The following TENM2 variants were observed in gnomAD, a reference collection of about 807,000 sequenced individuals.
TENM2 encodes teneurin transmembrane protein 2.
TENM2 carries 52 observed loss-of-function variants against 245.2 expected under a neutral mutation model. That is an observed-to-expected ratio of 0.21 (90% CI 0.17 to 0.27). TENM2 has a LOEUF of 0.27. Among genes scored for constraint, TENM2 ranks in the 10% least tolerant of loss-of-function variants. The pLI, the probability that TENM2 is intolerant of heterozygous loss-of-function variation, is 1.00. For missense variants in TENM2, 3,046 were observed against 3,666.8 expected (o/e 0.83, Z 4.37); for synonymous variants, 1,363 against 1,438.9 (o/e 0.95, Z 1.19).
chr5:167,052,439 A>G, the TENM2 span, among the ~76,000 whole-genome samples: 1 of 152,208 alleles, frequency 6.6e-6, no homozygotes, highest in Non-Finnish European at 1.5e-5. Context: ...CTCCAAGCAG[A>G]GCTGGAATTT....
chr5:167,321,830 G>T (rs1756765267), intron 1 of TENM2, among the ~76,000 whole-genome samples: 1 of 94,052 alleles, frequency 1.1e-5, no homozygotes, highest in Non-Finnish European at 2.0e-5. Context: ...GGGGGTGGAT[G>T]GAGTCACTCA....
chr5:167,112,339 G>A, the TENM2 span, among the ~76,000 whole-genome samples: 2 of 152,158 alleles, frequency 1.3e-5, no homozygotes, highest in African/African-American at 4.8e-5. Flanking sequence ...TAGAAGATGT[G>A]CAAATTTTCA....
intron 5 of TENM2, among the ~76,000 whole-genome samples, chr5:167,999,398 T>A (rs1368550042): frequency 6.6e-6 from 1 of 152,228 alleles, no homozygotes; most frequent in Non-Finnish European, 1.5e-5. Context: ...CTAATAGATA[T>A]GCTAATGTGC....
chr5:167,843,567 G>A (rs1192499561), intron 2 of TENM2, among the ~76,000 whole-genome samples: 1 of 152,100 alleles, frequency 6.6e-6, no homozygotes, highest in Non-Finnish European at 1.5e-5. Flanking sequence ...TAGGGTTGGT[G>A]GGGGAGGGGG....
chr5:167,508,974 A>G (rs999037089), intron 2 of TENM2, among the ~76,000 whole-genome samples: 1 of 152,064 alleles, frequency 6.6e-6, no homozygotes, highest in African/African-American at 2.4e-5. Context: ...ATGTGCCACC[A>G]CGCCCGGCTA....
At chr5:167,023,459 T>C in the TENM2 span, among the ~76,000 whole-genome samples, 1 of 152,168 alleles carries the variant, frequency 6.6e-6, no homozygotes, top group African/African-American at 2.4e-5. Flanking sequence ...GTTGAAAATC[T>C]TTTGAGACTC....
intron 2 of TENM2, among the ~76,000 whole-genome samples, chr5:167,683,865 A>G (rs1023954018): frequency 5.3e-5 from 8 of 152,184 alleles, no homozygotes; most frequent in African/African-American, 1.9e-4. Context: ...ACTGTAATGT[A>G]ATTGGAAGTA....
chr5:167,770,551 A>G (rs1763336393), intron 2 of TENM2, among the ~76,000 whole-genome samples: 2 of 152,170 alleles, frequency 1.3e-5, no homozygotes, highest in African/African-American at 2.4e-5. Context: ...TTCATTCCTT[A>G]CTTAGGAAGT....
chr5:168,246,435 A>G (rs1011691670), intron 26 of TENM2, among the ~76,000 whole-genome samples: 2 of 152,144 alleles, frequency 1.3e-5, no homozygotes, highest in Admixed American at 6.5e-5. Flanking sequence ...TCATCCAAGC[A>G]ACATTGGCAT....
chr5:167,758,243 T>C (rs1762436549), intron 2 of TENM2, among the ~76,000 whole-genome samples: 2 of 152,166 alleles, frequency 1.3e-5, no homozygotes, highest in African/African-American at 4.8e-5. Context: ...GAGGCTGAGA[T>C]TTGTCCCAGT....
chr5:168,025,025 C>T (rs1786476641), intron 5 of TENM2, among the ~76,000 whole-genome samples: 1 of 152,176 alleles, frequency 6.6e-6, no homozygotes, highest in Non-Finnish European at 1.5e-5. Context: ...ATTTCAGATT[C>T]GTAAGGCCCT....
intron 5 of TENM2, among the ~76,000 whole-genome samples, chr5:168,011,152 G>T (rs1006566976): frequency 2.7e-4 from 41 of 152,166 alleles, no homozygotes; most frequent in Middle Eastern, 3.2e-3. Flanking sequence ...AGGTGGTCAG[G>T]GTCCTAAGAT....
intron 2 of TENM2, among the ~76,000 whole-genome samples, chr5:167,784,644 G>A (rs1764439885): frequency 1.3e-5 from 2 of 152,098 alleles, no homozygotes; most frequent in South Asian, 2.1e-4. Flanking sequence ...ACTTTTGGGT[G>A]CCAGGTATAT....
intron 3 of TENM2, among the ~76,000 whole-genome samples, chr5:167,879,556 C>A (rs558471093): frequency 6.6e-6 from 1 of 152,306 alleles, no homozygotes; most frequent in Admixed American, 6.5e-5. Context: ...AATGAGACTA[C>A]CTTCCAAATC....
chr5:168,136,728 G>A (rs1239809822), intron 12 of TENM2, among the ~76,000 whole-genome samples: 1 of 152,136 alleles, frequency 6.6e-6, no homozygotes, highest in South Asian at 2.1e-4. Flanking sequence ...CCTTAGACAG[G>A]CTCTCAACCC....
intron 15 of TENM2, among the ~76,000 whole-genome samples, chr5:168,197,356 G>C (rs2152524124): frequency 6.6e-6 from 1 of 152,238 alleles, no homozygotes; most frequent in African/African-American, 2.4e-5. Context: ...ACTCTTAGCT[G>C]CTGGGGATTC....
chr5:168,193,793 G>A (rs528050807), intron 14 of TENM2, among the ~76,000 whole-genome samples: 1 of 152,316 alleles, frequency 6.6e-6, no homozygotes, highest in Admixed American at 6.5e-5. Context: ...AGAAATCTTA[G>A]TCCGAGCTAA....
chr5:167,362,901 C>T (rs1256570116), intron 1 of TENM2, among the ~76,000 whole-genome samples: 1 of 152,000 alleles, frequency 6.6e-6, no homozygotes, highest in Non-Finnish European at 1.5e-5. Flanking sequence ...ATAATAATAG[C>T]TAATATCGAT....
At chr5:168,120,478 G>A (rs2152340200) in intron 10 of TENM2, among the ~76,000 whole-genome samples, 1 of 152,250 alleles carries the variant, frequency 6.6e-6, no homozygotes, top group Non-Finnish European at 1.5e-5. Context: ...AAAGTGCTAG[G>A]GCAACAACAT....
Sources: allele counts gnomAD v4.1 joint callset (sites outside exome capture counted in the v4.1 genomes callset), GRCh38; gene constraint gnomAD v4.1.1; transcripts MANE v1.5; gene names NCBI Gene and HGNC (gene_info 2026-07-23, HGNC 2026-07-21).